The following PDE4D variants were observed in gnomAD, a reference collection of about 807,000 sequenced individuals.
The protein encoded by PDE4D is phosphodiesterase 4D, also known as 3',5'-cyclic-AMP phosphodiesterase 4D.
PDE4D carries 24 observed loss-of-function variants against 87.4 expected under a neutral mutation model. That is an observed-to-expected ratio of 0.27 (90% CI 0.20 to 0.39). PDE4D has a LOEUF of 0.39. PDE4D is among the 10% of genes least tolerant of loss of function. The pLI is 1.00. For missense variants in PDE4D, 714 were observed against 1,041.0 expected (o/e 0.69, Z 4.32); for synonymous variants, 384 against 383.2 (o/e 1.00, Z -0.02).
chr5:59,257,780 G>T (rs1415824648), intron 1 of PDE4D, among the ~76,000 whole-genome samples: 1 of 152,040 alleles, frequency 6.6e-6, no homozygotes, highest in African/African-American at 2.4e-5. Context: ...TAAACTTTGT[G>T]TAAAGAGAAG....
Position 59,915,322 on chromosome 5 carries a change from G to A in PDE4D, c.272+73166C>T, listed in dbSNP as rs117401135. Reference sequence around the variant, plus strand: ...AATCAGAAAAGGACACTGAAGAAAGGTGAGTCCATAGGAAGAAGAATAGAA... The same window carrying A: ...AATCAGAAAAGGACACTGAAGAAAGATGAGTCCATAGGAAGAAGAATAGAA... On this transcript the variant is annotated intron_variant, in intron 3 of 16. Coordinates refer to the PDE4D transcript ENST00000502484. 6.9e-4 allele frequency among the ~76,000 whole-genome samples: 105 copies of A among 152,260 alleles called. 1 individual carries two copies. The East Asian group carries it at 0.016, about 24-fold the overall frequency.
At chr5:60,049,416 C>T (rs1023555769) in intron 2 of PDE4D, among the ~76,000 whole-genome samples, 10 of 152,222 alleles carry the variant, frequency 6.6e-5, no homozygotes, top group Non-Finnish European at 1.0e-4. Context: ...TGAGGAACTG[C>T]GTTCCTTTGG....
chr5:59,592,149 C>A, intron 1 of PDE4D: 2 of 984,194 alleles, frequency 2.0e-6, no homozygotes, highest in Non-Finnish European at 2.4e-6. Context: ...GAAAGCCAAT[C>A]CCCCAGGAAC....
At chr5:60,035,228 C>A (rs959997821) in intron 2 of PDE4D, among the ~76,000 whole-genome samples, 5 of 150,270 alleles carry the variant, frequency 3.3e-5, no homozygotes, top group Non-Finnish European at 5.9e-5. Flanking sequence ...TGCACACCAG[C>A]CTGGGCAACA....
chr5:59,473,083 G>GAAAA (rs10573988), intron 1 of PDE4D, among the ~76,000 whole-genome samples: 2 of 92,106 alleles, frequency 2.2e-5, no homozygotes, highest in African/African-American at 3.7e-5. Context: ...GCTTTCTCAT[G>GAAAA]AAAAAAAAAA....
intron 2 of PDE4D, among the ~76,000 whole-genome samples, chr5:60,069,704 T>A (rs1325480482): frequency 6.6e-6 from 1 of 152,180 alleles, no homozygotes; most frequent in African/African-American, 2.4e-5. Flanking sequence ...GAGCTTTTTT[T>A]CACTTTCTGT....
At chr5:59,107,834 C>T (rs977657892) in intron 5 of PDE4D, among the ~76,000 whole-genome samples, 3 of 152,212 alleles carry the variant, frequency 2.0e-5, no homozygotes, top group African/African-American at 7.2e-5. Context: ...TTAAGAAAGC[C>T]TGGCTTTTGT....
chr5:59,438,431 C>T (rs1424473455), intron 1 of PDE4D, among the ~76,000 whole-genome samples: 1 of 152,072 alleles, frequency 6.6e-6, no homozygotes, highest in Admixed American at 6.5e-5. Flanking sequence ...TGCTACAGTG[C>T]CTAGTATGTG....
chr5:59,233,782 T>A (rs376216749), intron 1 of PDE4D, among the ~76,000 whole-genome samples: 2 of 152,266 alleles, frequency 1.3e-5, no homozygotes, highest in African/African-American at 4.8e-5. Context: ...CTGAGGGTGA[T>A]AGAGTAGGTC....
intron 2 of PDE4D, among the ~76,000 whole-genome samples, chr5:60,120,029 T>C (rs1778532586): frequency 6.6e-6 from 1 of 152,170 alleles, no homozygotes; most frequent in South Asian, 2.1e-4. Flanking sequence ...CATCAATTAT[T>C]TCCAAGCATT....
At chr5:59,410,688 G>T (rs1484495408) in intron 1 of PDE4D, among the ~76,000 whole-genome samples, 1 of 151,990 alleles carries the variant, frequency 6.6e-6, no homozygotes, top group East Asian at 1.9e-4. Context: ...TTTTTTTATG[G>T]CTGAATAGTA....
At chr5:59,612,438 C>T (rs1008008129) in intron 1 of PDE4D, among the ~76,000 whole-genome samples, 7 of 151,986 alleles carry the variant, frequency 4.6e-5, no homozygotes, top group African/African-American at 1.4e-4. Flanking sequence ...GGAAGATAGA[C>T]AGTAATTATT....
chr5:59,233,883 C>T (rs1008502587), intron 1 of PDE4D, among the ~76,000 whole-genome samples: 1 of 152,082 alleles, frequency 6.6e-6, no homozygotes, highest in Non-Finnish European at 1.5e-5. Flanking sequence ...ATTGAGAAGA[C>T]GTAAGGATGG....
intron 3 of PDE4D, among the ~76,000 whole-genome samples, chr5:59,985,518 T>C (rs1372107936): frequency 6.6e-6 from 1 of 152,122 alleles, no homozygotes; most frequent in Non-Finnish European, 1.5e-5. Flanking sequence ...TAGTCCTCAA[T>C]ATTCAATTCG....
intron 1 of PDE4D, among the ~76,000 whole-genome samples, chr5:59,769,077 T>TC (rs1491508015): frequency 3.1e-5 from 3 of 96,454 alleles, no homozygotes; most frequent in Non-Finnish European, 7.3e-5. Flanking sequence ...TTTTTCTCTC[T>TC]TTTTTTTTTA....
At chr5:59,094,216 CAAAAAA>C (rs1164383460) in intron 5 of PDE4D, among the ~76,000 whole-genome samples, 13 of 14,560 alleles carry the variant, frequency 8.9e-4, no homozygotes, top group South Asian at 9.7e-3. Flanking sequence ...GACTCCGTCT[CAAAAAA>C]AAAAAAAAAA....
At chr5:60,511,809 A>G (rs575142053) in intron 1 of PDE4D, among the ~76,000 whole-genome samples, 3 of 152,168 alleles carry the variant, frequency 2.0e-5, no homozygotes, top group Admixed American at 2.0e-4. Flanking sequence ...ATATTTTAAA[A>G]TATCAAATTT....
At chr5:60,142,238 GAAGAAGGAAGGA>G (rs1047819570) in intron 2 of PDE4D, among the ~76,000 whole-genome samples, 5 of 143,874 alleles carry the variant, frequency 3.5e-5, no homozygotes, top group East Asian at 2.3e-4. Context: ...GGGAGGGAGG[GAAGAAGGAAGGA>G]AAGAAGGAAG....
intron 1 of PDE4D, chr5:59,275,797 A>AGAGC: frequency 6.1e-6 from 6 of 989,374 alleles, no homozygotes; most frequent in Non-Finnish European, 7.2e-6. Context: ...TGACACTCGA[A>AGAGC]GAGCGCAGGT....
Sources: allele counts gnomAD v4.1 joint callset (sites outside exome capture counted in the v4.1 genomes callset), GRCh38; gene constraint gnomAD v4.1.1; transcripts MANE v1.5; gene names NCBI Gene and HGNC (gene_info 2026-07-23, HGNC 2026-07-21).